Variants in SLC8A3 observed in about 807,000 individuals in gnomAD.
The protein encoded by SLC8A3 is sodium/calcium exchanger 3.
In SLC8A3, 37 loss-of-function variants were observed where a neutral mutation model predicts 65.4. The observed-to-expected ratio is 0.57, with a 90% confidence interval of 0.44 to 0.74. The LOEUF (loss-of-function observed/expected upper bound fraction) is 0.74, where lower values mean the gene tolerates loss of function less well. SLC8A3 is among the 30% of genes least tolerant of loss of function. The pLI is 0.00. For missense variants in SLC8A3, 1,112 were observed against 1,172.1 expected (o/e 0.95, Z 0.75); for synonymous variants, 461 against 444.5 (o/e 1.04, Z -0.47).
intron 2 of SLC8A3, among the ~76,000 whole-genome samples, chr14:70,130,421 T>C (rs901364563): frequency 2.6e-5 from 4 of 152,158 alleles, no homozygotes; most frequent in Non-Finnish European, 4.4e-5. Flanking sequence ...TGTGCACATG[T>C]GAGCTAGTGT....
At chr14:70,093,325 G>C (rs986182055) in intron 2 of SLC8A3, among the ~76,000 whole-genome samples, 10 of 152,218 alleles carry the variant, frequency 6.6e-5, no homozygotes, top group African/African-American at 2.4e-4. Context: ...AGTTGTCTTT[G>C]TGTTTGCGTG....
At chr14:70,139,871 A>T (rs931776721) in intron 2 of SLC8A3, among the ~76,000 whole-genome samples, 1 of 152,152 alleles carries the variant, frequency 6.6e-6, no homozygotes, top group Non-Finnish European at 1.5e-5. Flanking sequence ...TCAATAGAGG[A>T]TGAAAGACAG....
At chr14:70,070,022 T>C (rs189453402) in intron 2 of SLC8A3, among the ~76,000 whole-genome samples, 59 of 152,174 alleles carry the variant, frequency 3.9e-4, no homozygotes, top group African/African-American at 1.4e-3. Context: ...GAGAAGCGGC[T>C]TGAATGCTAG....
At chr14:70,186,730 C>T (rs1487711637) in intron 1 of SLC8A3, among the ~76,000 whole-genome samples, 1 of 152,156 alleles carries the variant, frequency 6.6e-6, no homozygotes, top group African/African-American at 2.4e-5. Flanking sequence ...TCTAGTTACC[C>T]TAAGCTTTGA....
intron 1 of SLC8A3, among the ~76,000 whole-genome samples, chr14:70,175,844 C>T (rs964001066): frequency 2.0e-5 from 3 of 151,676 alleles, no homozygotes; most frequent in Non-Finnish European, 4.4e-5. Context: ...AAGCGATTCT[C>T]CTGCCTCAGC....
intron 6 of SLC8A3, chr14:70,047,214 T>A (rs1886891497): frequency 6.6e-6 from 1 of 152,242 alleles, no homozygotes; most frequent in East Asian, 1.9e-4. Context: ...GACTTGGAGA[T>A]GCCCAAAGGT....
intron 2 of SLC8A3, among the ~76,000 whole-genome samples, chr14:70,081,352 A>G (rs1470064335): frequency 6.6e-6 from 1 of 152,214 alleles, no homozygotes; most frequent in East Asian, 1.9e-4. Flanking sequence ...ATTTGGATAA[A>G]TACTAATTTA....
At chr14:70,062,005 T>C (rs1888853905) in intron 2 of SLC8A3, among the ~76,000 whole-genome samples, 1 of 152,000 alleles carries the variant, frequency 6.6e-6, no homozygotes, top group African/African-American at 2.4e-5. Flanking sequence ...TGATTCTTCC[T>C]ATATGGTTTC....
chr14:70,127,438 A>G (rs996913801), intron 2 of SLC8A3, among the ~76,000 whole-genome samples: 1 of 152,058 alleles, frequency 6.6e-6, no homozygotes, highest in African/African-American at 2.4e-5. Context: ...GTGTTCTTTG[A>G]CCATTTCCAA....
intron 2 of SLC8A3, among the ~76,000 whole-genome samples, chr14:70,086,487 C>A (rs1460519060): frequency 1.3e-5 from 2 of 150,512 alleles, no homozygotes; most frequent in Non-Finnish European, 3.0e-5. Context: ...CTGCAACCTC[C>A]GCCTCCCAGG....
Position 70,067,029 on chromosome 14 carries a change from G to A in SLC8A3, c.1785-6090C>T, listed in dbSNP as rs74061042. Among the ~76,000 whole-genome samples the A allele has an allele frequency of 8.4e-3, 1,273 of 152,246 alleles. 24 individuals carry two copies. The highest frequency in any genetic ancestry group is 0.029 in the African/African-American group (1,223 of 41,546). The stretch of plus-strand genomic sequence containing the variant: ...CACAGAGCCCTTACCATGGCCTATG[G>A]GAGCTTGCATGATCCAGTCGCTGCT... On this transcript the variant is annotated intron_variant, in intron 2 of 6. Transcript: ENST00000356921.
At chr14:70,081,537 C>T (rs1891051158) in intron 2 of SLC8A3, among the ~76,000 whole-genome samples, 1 of 152,200 alleles carries the variant, frequency 6.6e-6, no homozygotes, top group Non-Finnish European at 1.5e-5. Context: ...GCCCTCTGGG[C>T]CTCCATCAGT....
chr14:70,091,895 T>A (rs1036950655), intron 2 of SLC8A3, among the ~76,000 whole-genome samples: 2 of 152,208 alleles, frequency 1.3e-5, no homozygotes, highest in African/African-American at 2.4e-5. Context: ...CATTAGTTAC[T>A]GAGACAATTT....
chr14:70,099,179 G>A (rs1295587387), intron 2 of SLC8A3, among the ~76,000 whole-genome samples: 3 of 152,154 alleles, frequency 2.0e-5, no homozygotes, highest in Admixed American at 1.3e-4. Flanking sequence ...GGTACATACT[G>A]GTTAAAAAGC....
intron 2 of SLC8A3, among the ~76,000 whole-genome samples, chr14:70,116,132 G>C (rs1381245030): frequency 6.6e-6 from 1 of 152,090 alleles, no homozygotes; most frequent in Non-Finnish European, 1.5e-5. Context: ...TCAGAGAGGG[G>C]GTCATAGACT....
At chr14:70,128,369 C>T (rs924861216) in intron 2 of SLC8A3, among the ~76,000 whole-genome samples, 1 of 152,208 alleles carries the variant, frequency 6.6e-6, no homozygotes, top group Non-Finnish European at 1.5e-5. Flanking sequence ...CTACACCTTT[C>T]AGCCTGTTTA....
chr14:70,074,615 T>C (rs957153835), intron 2 of SLC8A3, among the ~76,000 whole-genome samples: 1 of 152,180 alleles, frequency 6.6e-6, no homozygotes, highest in African/African-American at 2.4e-5. Flanking sequence ...GGTCTGAAGT[T>C]ATTCTTATGG....
chr14:70,160,019 T>C, intron 2 of SLC8A3, among the ~76,000 whole-genome samples: 1 of 152,022 alleles, frequency 6.6e-6, no homozygotes, highest in Admixed American at 6.5e-5. Flanking sequence ...GTAGAAAATA[T>C]TTGAAAAAAT....
Position 70,119,532 on chromosome 14 carries a change from T to A in SLC8A3, c.1784+47107A>T, listed in dbSNP as rs557020005. On this transcript the variant is annotated intron_variant, in intron 2 of 6. Coordinates refer to ENST00000356921, the MANE Select transcript of SLC8A3 (RefSeq NM_182932.3). ...TTAAACATCCTCACTTTGCAGAGAA[T>A]GAAACCAAGATCCAGAGGGAGGAAA... is the stretch of plus-strand genomic sequence containing the variant. Among the ~76,000 whole-genome samples the A allele has an allele frequency of 1.3e-3, 198 of 152,294 alleles. 2 individuals are homozygous for A. Among genetic ancestry groups the A allele is most frequent in the African/African-American group, 4.6e-3 (190 of 41,554 alleles).
Sources: gnomAD v4.1 joint callset for allele counts (sites outside exome capture counted in the v4.1 genomes callset) on GRCh38, gnomAD v4.1.1 for gene constraint, MANE v1.5 for transcripts, NCBI Gene and HGNC (gene_info 2026-07-23, HGNC 2026-07-21) for gene names.